Variants in SFSWAP observed in about 807,000 individuals in gnomAD.
The protein encoded by SFSWAP is splicing factor SWAP.
SFSWAP carries 17 observed loss-of-function variants against 100.7 expected under a neutral mutation model. The ratio of observed to expected loss-of-function variants is 0.17; its 90% CI spans 0.12 to 0.25. The LOEUF (loss-of-function observed/expected upper bound fraction) is 0.25. Among genes scored for constraint, SFSWAP ranks in the 10% least tolerant of loss-of-function variants. SFSWAP has a pLI of 1.00. For missense variants in SFSWAP, 1,005 were observed against 1,262.6 expected, an observed-to-expected ratio of 0.80 and a Z score of 3.09; for synonymous variants, 504 against 510.1, an observed-to-expected ratio of 0.99 and a Z score of 0.16.
At chr12:131,787,515 C>T (rs1219544828) in intron 15 of SFSWAP, among the ~76,000 whole-genome samples, 2 of 152,228 alleles carry the variant, frequency 1.3e-5, no homozygotes, top group Non-Finnish European at 2.9e-5. Context: ...CGTGCAGCCT[C>T]CTGGCTGTGT....
chr12:131,769,177 C>A (rs533512213), intron 13 of SFSWAP, among the ~76,000 whole-genome samples: 2 of 150,890 alleles, frequency 1.3e-5, no homozygotes, highest in Non-Finnish European at 3.0e-5. Context: ...TACACAACAA[C>A]AAAAATGATC....
chr12:131,785,308 C>A, intron 14 of SFSWAP: 4 of 1,351,946 alleles, frequency 3.0e-6, no homozygotes, highest in Middle Eastern at 1.8e-4. Context: ...CGATTCTGTC[C>A]GTTAAAGGGC....
At chr12:131,797,548 C>T (rs1319267519) in intron 16 of SFSWAP, among the ~76,000 whole-genome samples, 188 bp downstream of exon 16, 1 of 152,228 alleles carries the variant, frequency 6.6e-6, no homozygotes, top group Non-Finnish European at 1.5e-5. Context: ...AATCCATGAG[C>T]GCTCAGAGGA....
intron 5 of SFSWAP, among the ~76,000 whole-genome samples, chr12:131,726,177 C>T (rs527332064): frequency 2.3e-3 from 348 of 150,642 alleles, no homozygotes; most frequent in African/African-American, 5.1e-3. Context: ...TATATATATA[C>T]ACACACACAC....
chr12:131,742,984 C>G (rs1880796192), intron 7 of SFSWAP, among the ~76,000 whole-genome samples: 1 of 152,178 alleles, frequency 6.6e-6, no homozygotes, highest in Non-Finnish European at 1.5e-5. Flanking sequence ...CAGAGAGACT[C>G]CTGTTTTTGA....
At position 131,730,233 on chromosome 12, in the gene SFSWAP, G is replaced by A. The variant is rs1390893102; in HGVS notation, c.1081+1805G>A. Among the ~76,000 whole-genome samples the A allele has an allele frequency of 6.6e-6, 1 of 152,228 alleles. No homozygotes were observed. Among genetic ancestry groups the A allele is most frequent in the Non-Finnish European group, 1.5e-5 (1 of 68,048 alleles). Reference sequence around the variant, plus strand: ...CAGCCTGTGAAGCTCCCGCCCTGGAGTCATGGGGCGCTGTGCTCTGCCCAG... The same window carrying A: ...CAGCCTGTGAAGCTCCCGCCCTGGAATCATGGGGCGCTGTGCTCTGCCCAG... On this transcript the variant is annotated intron_variant, in intron 7 of 17. Coordinates refer to ENST00000261674, the MANE Select transcript of SFSWAP (RefSeq NM_004592.4). This position sits in a 1 kb window ranked among gnomAD's most constrained non-coding sequence, Gnocchi z 4.0.
In SFSWAP at chr12:131,799,394, G is replaced by A. The variant is rs563278776; in HGVS notation, c.2791-29G>A. The A allele has an allele frequency of 1.2e-5, 20 of 1,612,026 alleles. No individual in the cohort carries two copies. In the South Asian group the frequency reaches 1.8e-4, roughly 14 times the overall value. ...TGGGTTGTCTGGCCAGGTCTTCACA[G>A]GTTCTCCTCTGTGTCTCGCCCTGCA... On this transcript the variant is annotated intron_variant, in intron 17 of 17. Coordinates refer to ENST00000261674, the MANE Select transcript of SFSWAP (RefSeq NM_004592.4).
chr12:131,741,825 G>A (rs1037318771), intron 7 of SFSWAP, among the ~76,000 whole-genome samples: 1 of 152,116 alleles, frequency 6.6e-6, no homozygotes, highest in Non-Finnish European at 1.5e-5. Context: ...GAGCTCAAAG[G>A]TTCCTCGGGT....
At chr12:131,715,283 G>A (rs1877787270) in intron 3 of SFSWAP, among the ~76,000 whole-genome samples, 1 of 152,090 alleles carries the variant, frequency 6.6e-6, no homozygotes, top group Non-Finnish European at 1.5e-5. Flanking sequence ...GAAAGAATAG[G>A]TGTTAACTGG....
intron 7 of SFSWAP, among the ~76,000 whole-genome samples, chr12:131,735,579 G>A (rs1371652270): frequency 2.0e-5 from 3 of 152,224 alleles, no homozygotes; most frequent in South Asian, 2.1e-4. Flanking sequence ...CAAAATAGGC[G>A]GTTAAAAACA....
At chr12:131,763,909 G>A (rs1365089592) in intron 11 of SFSWAP, among the ~76,000 whole-genome samples, 1 of 151,612 alleles carries the variant, frequency 6.6e-6, no homozygotes, top group Non-Finnish European at 1.5e-5. Context: ...GGCGGATCAC[G>A]AGGTCAGGAG....
intron 14 of SFSWAP, among the ~76,000 whole-genome samples, chr12:131,779,976 G>A (rs1200670746): frequency 2.6e-5 from 4 of 152,146 alleles, no homozygotes; most frequent in Non-Finnish European, 4.4e-5. Context: ...AGTAGAGATT[G>A]GGTTTCACCA....
chr12:131,735,421 C>T (rs1234683970), intron 7 of SFSWAP, among the ~76,000 whole-genome samples: 1 of 152,184 alleles, frequency 6.6e-6, no homozygotes, highest in Non-Finnish European at 1.5e-5. Flanking sequence ...GAATGGGACA[C>T]CAGTTAATTC....
intron 4 of SFSWAP, among the ~76,000 whole-genome samples, chr12:131,722,819 C>T (rs1304112373): frequency 6.6e-6 from 1 of 152,004 alleles, no homozygotes; most frequent in Admixed American, 6.6e-5. Flanking sequence ...CGTGGTGGTA[C>T]ATGCCTGTAG....
chr12:131,786,091 C>T (rs980644406), intron 14 of SFSWAP, among the ~76,000 whole-genome samples: 2 of 152,148 alleles, frequency 1.3e-5, no homozygotes, highest in African/African-American at 4.8e-5. Flanking sequence ...GAAGAGGAAG[C>T]GCCAGCCTGA....
At chr12:131,793,123 G>T (rs1178012747) in intron 15 of SFSWAP, among the ~76,000 whole-genome samples, 2 of 151,806 alleles carry the variant, frequency 1.3e-5, no homozygotes, top group African/African-American at 4.8e-5. Context: ...GTCTCACTCT[G>T]TTGCCCAAGC....
rs1425711059 is a variant in SFSWAP at position 131,794,280 on chromosome 12, A to T, written c.2535-2898A>T. On this transcript the variant is annotated intron_variant, in intron 15 of 17. Coordinates refer to ENST00000261674, the MANE Select transcript of SFSWAP (RefSeq NM_004592.4). The surrounding 1 kb of genome is among the most constrained non-coding windows in gnomAD (Gnocchi z 4.8). ...CCAGCCACAGTGGCTCACACCTGTG[A>T]TCCCAGCACTTTGGGAGGCCAAGGC... is the stretch of plus-strand genomic sequence containing the variant. Among the ~76,000 whole-genome samples the T allele has an allele frequency of 6.6e-6, 1 of 151,322 alleles. No homozygotes were observed. Among genetic ancestry groups the T allele is most frequent in the Admixed American group, 6.6e-5 (1 of 15,204 alleles).
rs549416378 is a variant in SFSWAP at position 131,758,993 on chromosome 12, G to A, written c.1720+2349G>A. On this transcript the variant is annotated intron_variant, in intron 11 of 17. Transcript: ENST00000261674. ...TCCCAGCTACTTGGGAGGCTAAGGT[G>A]GGAGGATCTTTTGAGCCCAGGAGAC... 2.6e-5 allele frequency among the ~76,000 whole-genome samples: 4 copies of A among 152,282 alleles called. No individual in the cohort carries two copies. In the East Asian group the frequency reaches 7.7e-4, roughly 29 times the overall value.
At chr12:131,739,690 C>T (rs988503912) in intron 7 of SFSWAP, among the ~76,000 whole-genome samples, 10 of 151,712 alleles carry the variant, frequency 6.6e-5, no homozygotes, top group South Asian at 6.3e-4. Context: ...GGAGTACAGG[C>T]GCCCGCCACC....
Sources: gnomAD v4.1 joint callset for allele counts (sites outside exome capture counted in the v4.1 genomes callset) on GRCh38, gnomAD v4.1.1 for gene constraint, Gnocchi (gnomAD v3.1) non-coding constraint, MANE v1.5 for transcripts, NCBI Gene and HGNC (gene_info 2026-07-23, HGNC 2026-07-21) for gene names.